Variants in UNC79 observed in about 807,000 individuals in gnomAD.
The protein encoded by UNC79 is unc-79 subunit of NALCN channel complex.
In UNC79, 37 loss-of-function variants were observed where a neutral mutation model predicts 283.1. The observed-to-expected ratio is 0.13, with a 90% CI of 0.10 to 0.17. The LOEUF (loss-of-function observed/expected upper bound fraction) is 0.17. Among genes scored for constraint, UNC79 ranks in the 10% least tolerant of loss-of-function variants. The probability of loss-of-function intolerance (pLI) is 1.00; values close to 1 mark genes in which losing one functional copy is unlikely to be tolerated. For missense variants in UNC79, 2,272 were observed against 3,211.1 expected (o/e 0.71, Z 7.07); for synonymous variants, 1,107 against 1,200.2 (o/e 0.92, Z 1.61).
At chr14:93,573,025 G>A (rs1001221271) in intron 16 of UNC79, among the ~76,000 whole-genome samples, 25 of 152,146 alleles carry the variant, frequency 1.6e-4, no homozygotes, top group Admixed American at 1.0e-3. Context: ...TATATAAATT[G>A]TGCAATAATA....
chr14:93,528,455 C>T (rs576860289), intron 8 of UNC79, 103 bp from the exon 9 acceptor site: 1,185 of 1,058,508 alleles, frequency 1.1e-3, no homozygotes, highest in Non-Finnish European at 1.5e-3. Context: ...TATTCCACCT[C>T]GCTTGTGGAA....
chr14:93,474,543 TG>T lies in UNC79; in HGVS notation c.448+152del, dbSNP rs2057693114. On this transcript the variant is annotated intron_variant, in intron 3 of 48. Coordinates refer to ENST00000555664, the Ensembl canonical transcript of UNC79. The surrounding 1 kb of genome is among the most constrained non-coding windows in gnomAD (Gnocchi z 4.1). The stretch of plus-strand genomic sequence containing the variant: ...GAAGCACTACACTGAAACTTCATTA[TG>T]GTGCTTCCCATACTATTATTTTACA... The T allele has an allele frequency of 1.1e-6, 1 of 896,092 alleles. No homozygotes were observed. Among genetic ancestry groups the T allele is most frequent in the African/African-American group, 1.7e-5 (1 of 59,306 alleles). 55.5% of individuals were successfully genotyped at this position (896,092 alleles called of 1,614,324 possible).
intron 1 of UNC79, among the ~76,000 whole-genome samples, chr14:93,364,174 G>T (rs1566893863): frequency 1.3e-5 from 2 of 152,120 alleles, no homozygotes; most frequent in African/African-American, 4.8e-5. Context: ...CACAAAGTTA[G>T]TATACCCATG....
intron 40 of UNC79, among the ~76,000 whole-genome samples, chr14:93,665,140 TA>T (rs934560753): frequency 6.7e-6 from 1 of 148,912 alleles, no homozygotes; most frequent in Non-Finnish European, 1.5e-5. Flanking sequence ...TAAAATATAA[TA>T]AAAATATAAA....
rs571587552 is a variant in UNC79, at chr14:93,333,889, T to C, written c.-351+366T>C. On this transcript the variant is annotated intron_variant, in intron 1 of 49. Transcript: ENST00000256339. ...ACCAAGGAGACAGGCTCAGAAATAC[T>C]AACAAGTAGGCAAGCCAAGATCAGA... Among the ~76,000 whole-genome samples, 217 of 152,330 alleles carry C rather than the reference T, an allele frequency of 1.4e-3. 1 individual carries two copies. The highest frequency in any genetic ancestry group is 5.0e-3 in the African/African-American group (206 of 41,558).
intron 5 of UNC79, among the ~76,000 whole-genome samples, chr14:93,493,901 A>ATATATATT (rs1251701550): frequency 7.3e-4 from 36 of 49,242 alleles, no homozygotes; most frequent in East Asian, 2.2e-3. Context: ...ATATATATAT[A>ATATATATT]TTTTTTTTTT....
chr14:93,434,843 A>G (rs1052053668), intron 1 of UNC79, among the ~76,000 whole-genome samples: 1 of 152,244 alleles, frequency 6.6e-6, no homozygotes, highest in Non-Finnish European at 1.5e-5. Context: ...TATTATCATC[A>G]TCATCATCAT....
chr14:93,357,886 GATATATGGAGATATATATCT>G (rs2054139976), intron 1 of UNC79, among the ~76,000 whole-genome samples: 2 of 42,360 alleles, frequency 4.7e-5, no homozygotes, highest in African/African-American at 1.4e-4. Context: ...TATATATATG[GATATATGGAGATATATATCT>G]ATATATATCC....
chr14:93,389,900 G>A (rs1478730993), intron 1 of UNC79, among the ~76,000 whole-genome samples: 2 of 152,264 alleles, frequency 1.3e-5, no homozygotes, highest in Non-Finnish European at 1.5e-5. Context: ...TGATCTGCCC[G>A]CCTTGGCCTC....
intron 5 of UNC79, among the ~76,000 whole-genome samples, chr14:93,492,002 A>G (rs1011714226): frequency 2.0e-5 from 3 of 152,194 alleles, no homozygotes; most frequent in Non-Finnish European, 4.4e-5. Context: ...TGGAAGAAGC[A>G]CAACTGGCAA....
At chr14:93,622,111 C>G in exon 30 of UNC79, 1 of 1,614,150 alleles carries the variant, frequency 6.2e-7, no homozygotes, top group Non-Finnish European at 8.5e-7. Flanking sequence ...TACTCTCAAC[C>G]TCCGACAGCG....
At chr14:93,541,636 T>C (rs953513270) in intron 13 of UNC79, among the ~76,000 whole-genome samples, 38 of 152,336 alleles carry the variant, frequency 2.5e-4, no homozygotes, top group African/African-American at 8.7e-4. Flanking sequence ...TTTATTTATT[T>C]TTTTTATTCC....
chr14:93,440,245 G>A (rs762714158), intron 1 of UNC79, among the ~76,000 whole-genome samples: 1 of 151,942 alleles, frequency 6.6e-6, no homozygotes, highest in Non-Finnish European at 1.5e-5. Context: ...GGTTAGGGGT[G>A]GGGGTGGGTC....
chr14:93,386,927 CTTTTTTTTTTTTTTTTTTTTT>C (rs35267402), intron 1 of UNC79, among the ~76,000 whole-genome samples: 2 of 27,162 alleles, frequency 7.4e-5, no homozygotes, highest in Non-Finnish European at 1.2e-4. Flanking sequence ...TGTATTTCTG[CTTTTTTTTTTTTTTTTTTTTT>C]TTTTTTTTTT....
Position 93,654,038 on chromosome 14 carries a change from TA to T in UNC79, c.6282+15del. On this transcript the variant is annotated intron_variant, in intron 37 of 48. Coordinates refer to ENST00000555664, the Ensembl canonical transcript of UNC79. ...TCAGCTCCTAGAGGTGGGTTTCCTT[TA>T]ATGACACCCTAAGCCCCAGCCGAAA... 1 of 1,613,176 alleles carries T rather than the reference TA, an allele frequency of 6.2e-7. No individual in the cohort carries two copies. The highest frequency in any genetic ancestry group is 8.5e-7 in the Non-Finnish European group (1 of 1,179,218).
intron 1 of UNC79, among the ~76,000 whole-genome samples, chr14:93,387,320 T>C (rs1286491882): frequency 6.6e-6 from 1 of 152,132 alleles, no homozygotes; most frequent in Non-Finnish European, 1.5e-5. Context: ...TTCTTTAAGG[T>C]GTATCATTAG....
intron 20 of UNC79, among the ~76,000 whole-genome samples, chr14:93,583,784 T>C (rs141359377): frequency 3.5e-4 from 53 of 149,576 alleles, no homozygotes; most frequent in Admixed American, 1.6e-3. Flanking sequence ...CAACTTACTC[T>C]CTTTCATATG....
rs575417802 is a variant in UNC79, at chr14:93,515,988, A to G, written c.899-7990A>G. Among the ~76,000 whole-genome samples the G allele has an allele frequency of 1.1e-4, 16 of 152,104 alleles. No homozygotes were observed. In the South Asian group the frequency reaches 1.2e-3, roughly 12 times the overall value. ...ATAGTTTAAGATTTTACATCTAAGT[A>G]TATGATCTATTTGGAATCAATTTTA... On this transcript the variant is annotated intron_variant, in intron 7 of 48. Coordinates refer to ENST00000555664, the Ensembl canonical transcript of UNC79.
intron 7 of UNC79, among the ~76,000 whole-genome samples, chr14:93,515,462 T>G (rs2060011402): frequency 6.6e-6 from 1 of 152,164 alleles, no homozygotes; most frequent in Non-Finnish European, 1.5e-5. Flanking sequence ...TTTGTGTGGT[T>G]GTTTTTTATT....
Sources: gnomAD v4.1 joint callset for allele counts (sites outside exome capture counted in the v4.1 genomes callset) on GRCh38, gnomAD v4.1.1 for gene constraint, Gnocchi (gnomAD v3.1) non-coding constraint, MANE v1.5 for transcripts, NCBI Gene and HGNC (gene_info 2026-07-23, HGNC 2026-07-21) for gene names.